LRFN5: variants seen among roughly 807,000 people sequenced by gnomAD.
The protein encoded by LRFN5 is leucine-rich repeat and fibronectin type-III domain-containing protein 5.
Under a neutral mutation model 45.6 loss-of-function variants are expected in LRFN5, and 24 were observed. That is an observed-to-expected ratio of 0.53 (90% CI 0.38 to 0.74). The LOEUF (loss-of-function observed/expected upper bound fraction) is 0.74, where lower values mean the gene tolerates loss of function less well. Among genes scored for constraint, LRFN5 ranks in the 30% least tolerant of loss-of-function variants. The pLI, the probability that LRFN5 is intolerant of heterozygous loss-of-function variation, is 0.00. For missense variants in LRFN5, 776 were observed against 861.5 expected, an observed-to-expected ratio of 0.90 and a Z score of 1.24; for synonymous variants, 340 against 313.8, an observed-to-expected ratio of 1.08 and a Z score of -0.88.
chr14:41,650,893 G>GAC (rs2138619036), intron 1 of LRFN5, among the ~76,000 whole-genome samples: 1 of 116,546 alleles, frequency 8.6e-6, no homozygotes, highest in African/African-American at 3.7e-5. Context: ...GAAAGAGAGA[G>GAC]AGAGAGGGAG....
At chr14:41,639,949 A>ATTTTTTTTTTTTTTTTTT (rs34020254) in intron 1 of LRFN5, among the ~76,000 whole-genome samples, 1 of 68,036 alleles carries the variant, frequency 1.5e-5, no homozygotes. Context: ...TGACTGGCTA[A>ATTTTTTTTTTTTTTTTTT]TTTTTTTTTT....
At chr14:41,663,197 C>T (rs908105027) in intron 1 of LRFN5, among the ~76,000 whole-genome samples, 3 of 152,018 alleles carry the variant, frequency 2.0e-5, no homozygotes, top group Admixed American at 6.6e-5. Context: ...GTAGCCAAAC[C>T]GCCGTGCTGT....
chr14:41,680,376 G>A (rs1201623004), intron 1 of LRFN5, among the ~76,000 whole-genome samples: 1 of 152,164 alleles, frequency 6.6e-6, no homozygotes, highest in Non-Finnish European at 1.5e-5. Flanking sequence ...CCAGAGGGGT[G>A]CTTGTGTCAC....
chr14:41,625,492 A>G (rs1331649831), intron 1 of LRFN5, among the ~76,000 whole-genome samples: 1 of 152,130 alleles, frequency 6.6e-6, no homozygotes, highest in African/African-American at 2.4e-5. Context: ...CTCCTTATAA[A>G]TTACCAAGCC....
intron 1 of LRFN5, among the ~76,000 whole-genome samples, chr14:41,746,977 GAGTT>G (rs1169996227): frequency 1.1e-4 from 16 of 151,818 alleles, no homozygotes; most frequent in Admixed American, 2.0e-4. Flanking sequence ...AAGAATAAAA[GAGTT>G]AGGAATAAAC....
Position 41,766,954 on chromosome 14 carries a change from C to G in LRFN5, c.-96C>G, listed in dbSNP as rs529633467. The G allele has an allele frequency of 5.9e-5, 9 of 152,744 alleles. No individual in the cohort carries two copies. The highest frequency in any genetic ancestry group is 2.2e-4 in the African/African-American group (9 of 41,564). The allele number at this position is 152,744 out of a possible 1,614,324, so 9.5% of individuals were successfully genotyped here. ...GAAATCAGCTTTGGAGATGCTTTCA[C>G]TCTGTCCGTCTTCTGCAGCAGCCAG... On this transcript the variant is annotated 5_prime_UTR_variant, in exon 2 of 6. Transcript: ENST00000298119.
At chr14:41,816,316 T>C (rs973872203) in intron 2 of LRFN5, among the ~76,000 whole-genome samples, 2 of 152,158 alleles carry the variant, frequency 1.3e-5, no homozygotes, top group Non-Finnish European at 2.9e-5. Context: ...TTAAAAGTTA[T>C]CTGTTAGATC....
chr14:41,892,906 A>T, intron 4 of LRFN5: 1 of 985,266 alleles, frequency 1.0e-6, no homozygotes. Context: ...AATGAGTTTT[A>T]TGTTGTTCTT....
intron 2 of LRFN5, among the ~76,000 whole-genome samples, chr14:41,841,856 T>C (rs886784777): frequency 6.6e-6 from 1 of 151,872 alleles, no homozygotes; most frequent in Non-Finnish European, 1.5e-5. Context: ...AAATAAATTA[T>C]ATAAATTTAC....
intron 5 of LRFN5, among the ~76,000 whole-genome samples, chr14:41,902,567 AATT>A (rs1891134417): frequency 6.6e-6 from 1 of 151,852 alleles, no homozygotes; most frequent in Admixed American, 6.6e-5. Context: ...TATAAACCAT[AATT>A]TTACAGTTTG....
At chr14:41,871,985 A>T (rs1470220261) in intron 2 of LRFN5, among the ~76,000 whole-genome samples, 1 of 152,108 alleles carries the variant, frequency 6.6e-6, no homozygotes, top group Non-Finnish European at 1.5e-5. Flanking sequence ...TGTGGGCTCA[A>T]TGGCTTTTTT....
chr14:41,863,123 C>G (rs1229155342), intron 2 of LRFN5, among the ~76,000 whole-genome samples: 2 of 152,156 alleles, frequency 1.3e-5, no homozygotes, highest in Non-Finnish European at 2.9e-5. Flanking sequence ...CTCAGCCTCC[C>G]CAAAGTACTG....
intron 2 of LRFN5, among the ~76,000 whole-genome samples, chr14:41,816,775 T>G (rs996983795): frequency 1.3e-5 from 2 of 152,020 alleles, no homozygotes; most frequent in Non-Finnish European, 2.9e-5. Flanking sequence ...ACTGCTTGGT[T>G]TTTTCTGAGC....
chr14:41,655,707 A>C (rs1440783517), intron 1 of LRFN5, among the ~76,000 whole-genome samples: 1 of 152,026 alleles, frequency 6.6e-6, no homozygotes, highest in Non-Finnish European at 1.5e-5. Flanking sequence ...TGGTAAGAGA[A>C]GATACATATG....
intron 3 of LRFN5, among the ~76,000 whole-genome samples, chr14:41,888,907 C>A (rs1890674086): frequency 6.6e-6 from 1 of 151,456 alleles, no homozygotes; most frequent in African/African-American, 2.4e-5. Context: ...TTGTGAGAGG[C>A]TTACTATGCC....
At chr14:41,743,958 T>C (rs560211852) in intron 1 of LRFN5, among the ~76,000 whole-genome samples, 1 of 152,270 alleles carries the variant, frequency 6.6e-6, no homozygotes, top group East Asian at 1.9e-4. Flanking sequence ...TTGTACATTA[T>C]TGAAGTTAAG....
intron 2 of LRFN5, among the ~76,000 whole-genome samples, chr14:41,881,198 A>T (rs1339400557): frequency 6.6e-6 from 1 of 152,072 alleles, no homozygotes; most frequent in Non-Finnish European, 1.5e-5. Flanking sequence ...TATACTGGTG[A>T]ACTGCTGTTG....
intron 2 of LRFN5, among the ~76,000 whole-genome samples, chr14:41,801,926 G>A: frequency 6.6e-6 from 1 of 152,064 alleles, no homozygotes; most frequent in East Asian, 1.9e-4. Flanking sequence ...CAAGGAACTG[G>A]GAGGGACCTC....
chr14:41,812,353 T>C (rs1005515876), intron 2 of LRFN5, among the ~76,000 whole-genome samples: 22 of 152,104 alleles, frequency 1.4e-4, no homozygotes, highest in African/African-American at 5.1e-4. Flanking sequence ...GACTAGCATC[T>C]TAATAATATT....
Sources: gnomAD v4.1 joint callset for allele counts (sites outside exome capture counted in the v4.1 genomes callset) on GRCh38, gnomAD v4.1.1 for gene constraint, MANE v1.5 for transcripts, NCBI Gene and HGNC (gene_info 2026-07-23, HGNC 2026-07-21) for gene names.